Variants in PVALB observed in about 807,000 individuals in gnomAD.
The protein encoded by PVALB is parvalbumin.
In PVALB, 11 loss-of-function variants were observed where a neutral mutation model predicts 10.9. The ratio of observed to expected loss-of-function variants is 1.01; its 90% CI spans 0.63 to 1.67. The LOEUF is 1.67. Among genes scored for constraint, PVALB ranks in the 40% most tolerant of loss-of-function variants. The pLI is 0.00. For synonymous variants in PVALB, 57 were observed against 50.7 expected (o/e 1.12, Z -0.53); for missense variants, 131 against 136.2 (o/e 0.96, Z 0.19).
chr22:36,815,390 G>A (rs556428790), intron 1 of PVALB, 155 bp from the exon 2 acceptor site: 8 of 992,012 alleles, frequency 8.1e-6, no homozygotes, highest in East Asian at 7.8e-5. Context: ...GAGGGAGCCC[G>A]GGCAAGGGAG....
chr22:36,807,775 C>T (rs576001895), intron 3 of PVALB, among the ~76,000 whole-genome samples: 2 of 152,154 alleles, frequency 1.3e-5, no homozygotes, highest in African/African-American at 4.8e-5. Flanking sequence ...AGGTGCTCCA[C>T]CACAGCCCAA....
intron 3 of PVALB, among the ~76,000 whole-genome samples, chr22:36,806,791 C>G (rs541798245): frequency 1.6e-4 from 25 of 152,238 alleles, no homozygotes; most frequent in African/African-American, 5.5e-4. Context: ...CTCGTCGGCT[C>G]TCTTATCTTC....
chr22:36,801,742 G>A (rs1938868776), intron 3 of PVALB, among the ~76,000 whole-genome samples: 1 of 152,232 alleles, frequency 6.6e-6, no homozygotes, highest in South Asian at 2.1e-4. Context: ...AGAGGTTGCA[G>A]TGAGCCAAGA....
chr22:36,811,837 G>A (rs1029864818), intron 3 of PVALB, among the ~76,000 whole-genome samples: 6 of 152,106 alleles, frequency 3.9e-5, no homozygotes, highest in African/African-American at 1.4e-4. Flanking sequence ...AGCCCCAGGA[G>A]CGGCCAAGCC....
chr22:36,801,039 C>A, intron 3 of PVALB, 121 bp from the exon 4 acceptor site: 1 of 907,170 alleles, frequency 1.1e-6, no homozygotes, highest in Non-Finnish European at 1.8e-6. Context: ...CTGCAGCAGC[C>A]CCAGAGCGTA....
At chr22:36,819,240 A>G (rs1469658677), upstream of PVALB, among the ~76,000 whole-genome samples, 1 of 152,084 alleles carries the variant, frequency 6.6e-6, no homozygotes, top group African/African-American at 2.4e-5. Flanking sequence ...GCCCCAGGCC[A>G]CACCAGGAGT....
At chr22:36,803,321 T>A (rs1044940802) in intron 3 of PVALB, among the ~76,000 whole-genome samples, 1 of 152,232 alleles carries the variant, frequency 6.6e-6, no homozygotes, top group Admixed American at 6.5e-5. Flanking sequence ...AGTCCTTTTT[T>A]ATTTACTTCA....
At chr22:36,805,773 C>G (rs2284021) in intron 3 of PVALB, among the ~76,000 whole-genome samples, 1 of 151,790 alleles carries the variant, frequency 6.6e-6, no homozygotes, top group Non-Finnish European at 1.5e-5. Flanking sequence ...GTTCCGCCTC[C>G]CGTGTGGATC....
At chr22:36,801,114 G>C (rs1287293937) in intron 3 of PVALB, among the ~76,000 whole-genome samples, 196 bp from the exon 4 acceptor site, 1 of 152,134 alleles carries the variant, frequency 6.6e-6, no homozygotes, top group Admixed American at 6.5e-5. Context: ...GGTGGGAAAT[G>C]ATGGGCCTAC....
intron 3 of PVALB, among the ~76,000 whole-genome samples, chr22:36,807,856 G>T (rs536776175): frequency 6.6e-6 from 1 of 152,342 alleles, no homozygotes; most frequent in African/African-American, 2.4e-5. Context: ...AAAGGGAACA[G>T]ATTTTGCCAG....
At chr22:36,809,934 G>A (rs974076602) in intron 3 of PVALB, among the ~76,000 whole-genome samples, 4 of 151,194 alleles carry the variant, frequency 2.6e-5, no homozygotes, top group African/African-American at 9.7e-5. Context: ...GTCCAGGCTG[G>A]AGTGCAGTGG....
At chr22:36,808,591 C>T (rs551008283) in intron 3 of PVALB, among the ~76,000 whole-genome samples, 1 of 152,308 alleles carries the variant, frequency 6.6e-6, no homozygotes, top group African/African-American at 2.4e-5. Context: ...ATCATTAGCA[C>T]CATCTGCTAA....
rs759939986 is a variant in PVALB, at chr22:36,813,702, G to A, written c.248C>T (p.Thr83Ile). Residue 83 changes from threonine (T) to isoleucine (I), a missense_variant, in exon 3 of 4, where the codon ACC becomes ATC. Thr to Ile is a moderately conservative substitution (Grantham distance 89). Coordinates refer to ENST00000417718, the MANE Select transcript of PVALB (RefSeq NM_001315532.2). ...PDARDLSAKETKMLMAAGDKD... is the reference protein window; with the variant it reads ...PDARDLSAKEIKMLMAAGDKD... ...GTCTCCAGCAGCCATCAGCATCTTG[G>A]TTTCTTTAGCAGACAGGTCTCTGGC... 4 of 1,614,030 alleles carry A rather than the reference G, an allele frequency of 2.5e-6. No homozygotes were observed. Among genetic ancestry groups the A allele is most frequent in the Admixed American group, 1.7e-5 (1 of 60,000 alleles).
At chr22:36,806,520 G>A (rs546003295) in intron 3 of PVALB, among the ~76,000 whole-genome samples, 1 of 152,156 alleles carries the variant, frequency 6.6e-6, no homozygotes, top group East Asian at 1.9e-4. Flanking sequence ...TTGAGTCAGC[G>A]GCTGGAAGGC....
intron 3 of PVALB, among the ~76,000 whole-genome samples, chr22:36,808,986 A>T (rs1939005714): frequency 6.6e-6 from 1 of 152,214 alleles, no homozygotes; most frequent in South Asian, 2.1e-4. Context: ...GTTGCCCCAG[A>T]GACGGGAATG....
intron 1 of PVALB, among the ~76,000 whole-genome samples, chr22:36,815,871 G>A (rs889839125): frequency 6.6e-6 from 1 of 151,970 alleles, no homozygotes; most frequent in Non-Finnish European, 1.5e-5. Context: ...TGAGGTGAAG[G>A]GAGAGGGTTA....
At chr22:36,804,413 G>A (rs1464388977) in intron 3 of PVALB, among the ~76,000 whole-genome samples, 2 of 152,270 alleles carry the variant, frequency 1.3e-5, no homozygotes, top group African/African-American at 2.4e-5. Flanking sequence ...AAGCAGCCAG[G>A]ACATCACAGT....
chr22:36,815,647 G>C (rs1939127297), intron 1 of PVALB, among the ~76,000 whole-genome samples: 1 of 152,172 alleles, frequency 6.6e-6, no homozygotes, highest in South Asian at 2.1e-4. Flanking sequence ...CTGGGGTTAG[G>C]GGGAGGAGGG....
rs1939114884 is a variant in PVALB, at chr22:36,815,037, G to A, written c.194+66C>T. On this transcript the variant is annotated intron_variant, in intron 2 of 3. Transcript: ENST00000417718. ...AGGTCTGATGGACACTTGGAAGCTA[G>A]AGTCCCAGCCCCCACTCCCTCTCGT... 3.1e-6 allele frequency: 5 copies of A among 1,589,912 alleles called. No homozygotes were observed. The Admixed American group carries it at 6.8e-5, about 22-fold the overall frequency.
Sources: gnomAD v4.1 joint callset for allele counts (sites outside exome capture counted in the v4.1 genomes callset) on GRCh38, gnomAD v4.1.1 for gene constraint, MANE v1.5 for transcripts, NCBI Gene and HGNC (gene_info 2026-07-23, HGNC 2026-07-21) for gene names.